The following STXBP5L variants were observed in gnomAD, a reference collection of about 807,000 sequenced individuals.
The protein encoded by STXBP5L is syntaxin-binding protein 5-like.
A neutral mutation model predicts 144.5 loss-of-function variants in STXBP5L; 65 were observed. That is an observed-to-expected ratio of 0.45 (90% CI 0.37 to 0.55). The LOEUF is 0.55. STXBP5L is among the 20% of genes least tolerant of loss of function. STXBP5L has a pLI of 0.00. For synonymous variants in STXBP5L, 505 were observed against 469.6 expected (o/e 1.08, Z -0.97); for missense variants, 1,298 against 1,405.5 (o/e 0.92, Z 1.22).
At chr3:121,204,638 G>A (rs74425891) in intron 9 of STXBP5L, among the ~76,000 whole-genome samples, 177 of 151,620 alleles carry the variant, frequency 1.2e-3, no homozygotes, top group African/African-American at 4.2e-3. Flanking sequence ...GTATTACATA[G>A]GTATCTATGT....
intron 5 of STXBP5L, among the ~76,000 whole-genome samples, chr3:121,092,096 C>T (rs952636197): frequency 2.0e-5 from 3 of 152,100 alleles, no homozygotes; most frequent in South Asian, 2.1e-4. Flanking sequence ...AGATATGCAG[C>T]GTTATTTCTG....
At chr3:121,276,497 T>G (rs1223564864) in intron 18 of STXBP5L, among the ~76,000 whole-genome samples, 1 of 152,002 alleles carries the variant, frequency 6.6e-6, no homozygotes, top group Non-Finnish European at 1.5e-5. Flanking sequence ...ATCATTTTTT[T>G]CTGTCTAAGA....
intron 20 of STXBP5L, among the ~76,000 whole-genome samples, chr3:121,354,031 AC>A (rs1369106126): frequency 6.6e-6 from 1 of 152,192 alleles, no homozygotes; most frequent in Admixed American, 6.5e-5. Context: ...ATTTGATTGC[AC>A]TGTGGTCTGA....
At chr3:121,125,594 T>TC (rs2044670542) in intron 7 of STXBP5L, among the ~76,000 whole-genome samples, 1 of 152,190 alleles carries the variant, frequency 6.6e-6, no homozygotes, top group Non-Finnish European at 1.5e-5. Flanking sequence ...AGCTGAGAGA[T>TC]GCCTGTATTG....
intron 14 of STXBP5L, among the ~76,000 whole-genome samples, chr3:121,247,542 G>T (rs979272454): frequency 6.6e-6 from 1 of 152,088 alleles, no homozygotes; most frequent in African/African-American, 2.4e-5. Flanking sequence ...TTAATGTTTA[G>T]CTCCCAGTTA....
intron 5 of STXBP5L, among the ~76,000 whole-genome samples, chr3:121,090,486 A>G (rs1185940015): frequency 6.6e-6 from 1 of 152,178 alleles, no homozygotes; most frequent in Non-Finnish European, 1.5e-5. Context: ...TGTAGAAAAT[A>G]TTATTTCTGT....
chr3:121,150,212 G>T lies in STXBP5L; in HGVS notation c.670-2265G>T, dbSNP rs150877325. On this transcript the variant is annotated intron_variant, in intron 7 of 26. Transcript: ENST00000471454. ...CTATTTTTTTCAGACACTAGTGTAG[G>T]TTCTAATGATATCATGGTGAAGAAG... Among the ~76,000 whole-genome samples the T allele has an allele frequency of 2.1e-3, 325 of 152,096 alleles. 1 individual carries two copies. The highest frequency in any genetic ancestry group is 7.3e-3 in the African/African-American group (305 of 41,506).
At chr3:121,354,509 T>TTTC (rs1491281388) in intron 20 of STXBP5L, among the ~76,000 whole-genome samples, 2 of 32,476 alleles carry the variant, frequency 6.2e-5, no homozygotes, top group African/African-American at 1.9e-4. Context: ...GCAACCCTGC[T>TTTC]TTTTTTTTTT....
intron 7 of STXBP5L, among the ~76,000 whole-genome samples, chr3:121,126,799 G>T (rs2044722200): frequency 6.6e-6 from 1 of 152,142 alleles, no homozygotes; most frequent in Non-Finnish European, 1.5e-5. Flanking sequence ...TATCTGCAGG[G>T]TTGCATTCCT....
At chr3:121,245,322 T>C (rs963412522) in intron 14 of STXBP5L, among the ~76,000 whole-genome samples, 2 of 126,772 alleles carry the variant, frequency 1.6e-5, no homozygotes, top group Admixed American at 7.8e-5. Flanking sequence ...CAAAAGAAAA[T>C]GAAAAAGGAA....
intron 9 of STXBP5L, among the ~76,000 whole-genome samples, chr3:121,187,524 A>G (rs1024046183): frequency 6.6e-6 from 1 of 151,898 alleles, no homozygotes; most frequent in Non-Finnish European, 1.5e-5. Flanking sequence ...AAACCTGCAC[A>G]TTGTGCACAT....
intron 17 of STXBP5L, among the ~76,000 whole-genome samples, chr3:121,257,942 A>G (rs2050261519): frequency 6.6e-6 from 1 of 152,094 alleles, no homozygotes; most frequent in Non-Finnish European, 1.5e-5. Context: ...AATAATGATA[A>G]TTTTTTAAAG....
At position 120,977,544 on chromosome 3, in the gene STXBP5L, A is replaced by T. The variant is rs769167000; in HGVS notation, c.287+22507A>T. Among the ~76,000 whole-genome samples the T allele has an allele frequency of 3.3e-5, 5 of 152,262 alleles. No homozygotes were observed. In the East Asian group the frequency reaches 7.7e-4, roughly 24 times the overall value. Reference sequence around the variant, plus strand: ...TAATTGTAGCATTTAGTCCTTTTACATTGAAAGTTAATATTGTTATGTGTG... The same window carrying T: ...TAATTGTAGCATTTAGTCCTTTTACTTTGAAAGTTAATATTGTTATGTGTG... On this transcript the variant is annotated intron_variant, in intron 3 of 26. Coordinates refer to ENST00000471454, the MANE Select transcript of STXBP5L (RefSeq NM_001308330.2).
chr3:121,203,257 A>T (rs1260356634), intron 9 of STXBP5L, among the ~76,000 whole-genome samples: 1 of 152,086 alleles, frequency 6.6e-6, no homozygotes, highest in Non-Finnish European at 1.5e-5. Context: ...AAGTTTAGAG[A>T]TTGCCATTGA....
chr3:121,073,532 T>C (rs1164962243), intron 5 of STXBP5L, among the ~76,000 whole-genome samples: 1 of 152,212 alleles, frequency 6.6e-6, no homozygotes, highest in East Asian at 1.9e-4. Context: ...CGTGGGCCAG[T>C]ACCATGACCC....
At chr3:121,300,718 A>G (rs532025863) in intron 19 of STXBP5L, among the ~76,000 whole-genome samples, 27 of 152,198 alleles carry the variant, frequency 1.8e-4, no homozygotes, top group African/African-American at 4.3e-4. Context: ...GAAAAGAGTA[A>G]CAGTAAACAA....
chr3:121,397,804 G>A (rs1428177146), intron 22 of STXBP5L, among the ~76,000 whole-genome samples: 4 of 152,156 alleles, frequency 2.6e-5, no homozygotes, highest in Admixed American at 2.0e-4. Flanking sequence ...TGTCCATCGG[G>A]CCCTTCACAA....
intron 12 of STXBP5L, 50 bp from the exon 13 acceptor site, chr3:121,238,919 TTC>T: frequency 7.0e-6 from 10 of 1,431,440 alleles, no homozygotes; most frequent in South Asian, 1.4e-5. Context: ...CAAAATTATT[TTC>T]TGTTTTTTTC....
chr3:121,226,097 G>C (rs16832191), intron 11 of STXBP5L, among the ~76,000 whole-genome samples: 15,166 of 152,200 alleles, frequency 0.1, 952 homozygotes, highest in Non-Finnish European at 0.14. Flanking sequence ...ATGAAGCCAC[G>C]AAATGGTTTT....
Sources: allele counts gnomAD v4.1 joint callset (sites outside exome capture counted in the v4.1 genomes callset), GRCh38; gene constraint gnomAD v4.1.1; transcripts MANE v1.5; gene names NCBI Gene and HGNC (gene_info 2026-07-23, HGNC 2026-07-21).